The following BTBD10 variants were observed in gnomAD, a reference collection of about 807,000 sequenced individuals.
The protein encoded by BTBD10 is BTB domain containing 10, also known as BTB/POZ domain-containing protein 10.
In BTBD10, 21 loss-of-function variants were observed where a neutral mutation model predicts 53.2. The ratio of observed to expected loss-of-function variants is 0.39; its 90% confidence interval spans 0.28 to 0.57. The LOEUF (loss-of-function observed/expected upper bound fraction) is 0.57, where lower values mean the gene tolerates loss of function less well. Ranked by LOEUF, BTBD10 falls within the 20% of genes least tolerant of loss-of-function variation. The pLI is 0.53. For synonymous variants in BTBD10, 149 were observed against 192.7 expected, an observed-to-expected ratio of 0.77 and a Z score of 1.88; for missense variants, 360 against 594.7, an observed-to-expected ratio of 0.61 and a Z score of 4.10.
intron 2 of BTBD10, among the ~76,000 whole-genome samples, chr11:13,439,337 A>G (rs1950604530): frequency 6.6e-6 from 1 of 152,078 alleles, no homozygotes; most frequent in Admixed American, 6.6e-5. Flanking sequence ...CCAAAACCTC[A>G]GTGGCAGTAG....
intron 5 of BTBD10, 111 bp downstream of exon 5, chr11:13,417,047 C>T (rs1950132494): frequency 1.4e-6 from 1 of 713,224 alleles, no homozygotes; most frequent in South Asian, 2.6e-5. Flanking sequence ...TAAGGAAAAA[C>T]AATACCCTGG....
chr11:13,444,609 A>G (rs1007186863), intron 2 of BTBD10, among the ~76,000 whole-genome samples: 1 of 152,224 alleles, frequency 6.6e-6, no homozygotes. Flanking sequence ...ATATAAACTC[A>G]GATAGTTAAA....
chr11:13,407,110 G>A (rs1354712158), intron 6 of BTBD10, among the ~76,000 whole-genome samples: 1 of 151,998 alleles, frequency 6.6e-6, no homozygotes, highest in Non-Finnish European at 1.5e-5. Flanking sequence ...ACTCTTTCTT[G>A]AAACATACTC....
At chr11:13,449,022 G>A (rs1293011133) in intron 1 of BTBD10, among the ~76,000 whole-genome samples, 2 of 152,132 alleles carry the variant, frequency 1.3e-5, no homozygotes, top group Non-Finnish European at 2.9e-5. Context: ...GGGCCTGTTG[G>A]CTAGGGGCAG....
At chr11:13,410,001 G>A (rs569443177) in intron 6 of BTBD10, among the ~76,000 whole-genome samples, 5 of 152,160 alleles carry the variant, frequency 3.3e-5, no homozygotes, top group Non-Finnish European at 7.3e-5. Flanking sequence ...AAGTCGGTGA[G>A]GAAGGCTGGG....
At chr11:13,396,591 GT>G (rs1361811899) in intron 8 of BTBD10, among the ~76,000 whole-genome samples, 1 of 152,194 alleles carries the variant, frequency 6.6e-6, no homozygotes, top group Non-Finnish European at 1.5e-5. Flanking sequence ...AATAGTTGTG[GT>G]GAGAGAGGGC....
chr11:13,421,470 T>G (rs3789326), intron 3 of BTBD10, among the ~76,000 whole-genome samples, 172 bp downstream of exon 3: 24,012 of 152,212 alleles, frequency 0.16, 2,086 homozygotes, highest in Admixed American at 0.24. Flanking sequence ...TGCATTTAAT[T>G]AGCTGTTTTT....
rs752885456 is a variant in BTBD10 at position 13,419,589 on chromosome 11, A to G, written c.455T>C (p.Val152Ala). Residue 152 changes from valine (V) to alanine (A), a missense_variant, in exon 4 of 9, where the codon GTA becomes GCA. Coordinates refer to ENST00000278174, the MANE Select transcript of BTBD10 (RefSeq NM_032320.7). Reference sequence around the variant, plus strand: ...AGCTCCTTCTTTTGCATTTTCATATACAAACACCATCTCCCCAGCTGTCTT... The same window carrying G: ...AGCTCCTTCTTTTGCATTTTCATATGCAAACACCATCTCCCCAGCTGTCTT... ...SCKTAGEMVF[V>A]YENAKEGARN... 3 of 1,614,046 alleles carry G rather than the reference A, an allele frequency of 1.9e-6. No individual in the cohort carries two copies.
chr11:13,431,745 T>G (rs1950451930), intron 2 of BTBD10, among the ~76,000 whole-genome samples: 1 of 152,166 alleles, frequency 6.6e-6, no homozygotes, highest in South Asian at 2.1e-4. Flanking sequence ...AAATCTGGTA[T>G]GAACTTCTGC....
chr11:13,401,888 G>C (rs141053144), intron 8 of BTBD10, among the ~76,000 whole-genome samples: 1 of 152,064 alleles, frequency 6.6e-6, no homozygotes, highest in Non-Finnish European at 1.5e-5. Flanking sequence ...TATTATACCA[G>C]ACATATGTAT....
chr11:13,450,720 T>C lies in BTBD10; in HGVS notation c.-57-5539A>G, dbSNP rs149051153. On this transcript the variant is annotated intron_variant, in intron 1 of 8. Transcript: ENST00000278174. ...ATAATAATGTAGGACAAAGAACAGG[T>C]GGAAGCAACTTTTAAAAGAAAAGGA... 5.2e-3 allele frequency among the ~76,000 whole-genome samples: 787 copies of C among 152,064 alleles called. 3 individuals carry two copies. The highest frequency in any genetic ancestry group is 7.9e-3 in the Non-Finnish European group (535 of 67,968).
intron 1 of BTBD10, among the ~76,000 whole-genome samples, chr11:13,449,669 T>C (rs1950817932): frequency 6.6e-6 from 1 of 152,198 alleles, no homozygotes; most frequent in Non-Finnish European, 1.5e-5. Context: ...ATTTAGCTCA[T>C]GGTTCTGGAG....
chr11:13,434,363 G>A (rs924104417), intron 2 of BTBD10, among the ~76,000 whole-genome samples: 8 of 152,184 alleles, frequency 5.3e-5, no homozygotes, highest in African/African-American at 9.7e-5. Flanking sequence ...CTCTGAGGGG[G>A]AAGTGTCTAA....
intron 5 of BTBD10, among the ~76,000 whole-genome samples, chr11:13,415,798 T>C (rs1950092471): frequency 6.6e-6 from 1 of 151,950 alleles, no homozygotes; most frequent in African/African-American, 2.4e-5. Flanking sequence ...ACTACAAGTA[T>C]GCCACTACAC....
chr11:13,389,614 G>T (rs577484252), intron 8 of BTBD10, among the ~76,000 whole-genome samples: 2 of 151,048 alleles, frequency 1.3e-5, no homozygotes, highest in Non-Finnish European at 2.9e-5. Context: ...TTTTAGTAGA[G>T]GGGGGGTTTC....
At chr11:13,391,539 T>A (rs1287113051) in intron 8 of BTBD10, among the ~76,000 whole-genome samples, 2 of 152,218 alleles carry the variant, frequency 1.3e-5, no homozygotes, top group Non-Finnish European at 2.9e-5. Context: ...TGTTGGTGTA[T>A]CCTCAGTGCC....
chr11:13,445,515 C>A (rs1950735671), intron 1 of BTBD10, among the ~76,000 whole-genome samples: 1 of 152,086 alleles, frequency 6.6e-6, no homozygotes, highest in Admixed American at 6.6e-5. Flanking sequence ...AACAATTCCA[C>A]AGAATGATTA....
chr11:13,424,965 A>G (rs1255903619), intron 2 of BTBD10, among the ~76,000 whole-genome samples: 1 of 152,188 alleles, frequency 6.6e-6, no homozygotes, highest in Non-Finnish European at 1.5e-5. Flanking sequence ...TTGGGATAAG[A>G]GATGGCTAGA....
intron 7 of BTBD10, 70 bp from the exon 8 acceptor site, chr11:13,403,348 G>T: frequency 2.3e-6 from 2 of 866,372 alleles, no homozygotes; most frequent in Non-Finnish European, 3.4e-6. Flanking sequence ...AATTTATCTT[G>T]CTCATCAAAG....
Sources: allele counts gnomAD v4.1 joint callset (sites outside exome capture counted in the v4.1 genomes callset), GRCh38; gene constraint gnomAD v4.1.1; transcripts MANE v1.5; gene names NCBI Gene and HGNC (gene_info 2026-07-23, HGNC 2026-07-21).